Variants in N4BP2 observed in about 807,000 individuals in gnomAD.
N4BP2 encodes NEDD4-binding protein 2.
N4BP2 carries 91 observed loss-of-function variants against 152.8 expected under a neutral mutation model. The ratio of observed to expected loss-of-function variants is 0.60; its 90% CI spans 0.50 to 0.71. The LOEUF is 0.71. Among genes scored for constraint, N4BP2 ranks in the 30% least tolerant of loss-of-function variants. The pLI, the probability that N4BP2 is intolerant of heterozygous loss-of-function variation, is 0.00. For synonymous variants in N4BP2, 646 were observed against 705.3 expected, an observed-to-expected ratio of 0.92 and a Z score of 1.33; for missense variants, 1,923 against 2,059.1, an observed-to-expected ratio of 0.93 and a Z score of 1.28.
chr4:40,102,800 C>T lies in N4BP2; in HGVS notation c.955C>T (p.Leu319=), dbSNP rs755339834. The T allele has an allele frequency of 5.0e-6, 8 of 1,614,150 alleles. No individual in the cohort carries two copies. Among genetic ancestry groups the T allele is most frequent in the Non-Finnish European group, 6.8e-6 (8 of 1,180,020 alleles). Residue 319 remains leucine, a synonymous_variant, in exon 4 of 18, where the codon CTA becomes TTA. Coordinates refer to ENST00000261435, the MANE Select transcript of N4BP2 (RefSeq NM_018177.6). The part of the protein sequence containing the change: ...QKSTRVSDVF[L]PSEGFNFKPH... Reference sequence around the variant, plus strand: ...ATCTACTCGGGTCTCTGATGTGTTTCTACCTTCCGAAGGGTTCAACTTCAA... The same window carrying T: ...ATCTACTCGGGTCTCTGATGTGTTTTTACCTTCCGAAGGGTTCAACTTCAA...
At chr4:40,148,529 A>AG (rs1295264101) in intron 16 of N4BP2, among the ~76,000 whole-genome samples, 1 of 152,074 alleles carries the variant, frequency 6.6e-6, no homozygotes, top group East Asian at 1.9e-4. Flanking sequence ...TCCACATGTA[A>AG]GTGAGATCAT....
chr4:40,177,995 A>G, the N4BP2 span, among the ~76,000 whole-genome samples: 1 of 152,128 alleles, frequency 6.6e-6, no homozygotes, highest in African/African-American at 2.4e-5. Context: ...CAACCAGAAA[A>G]AAACAAAAAC....
intron 16 of N4BP2, among the ~76,000 whole-genome samples, chr4:40,149,190 T>A (rs1720903368): frequency 6.6e-6 from 1 of 152,202 alleles, no homozygotes; most frequent in Non-Finnish European, 1.5e-5. Context: ...CAAAAGGTGG[T>A]GGTAACCTAA....
chr4:40,185,203 A>C, the N4BP2 span, among the ~76,000 whole-genome samples: 6 of 152,316 alleles, frequency 3.9e-5, no homozygotes, highest in South Asian at 1.2e-3. Context: ...AAATTGATTC[A>C]GGGAGTCCCC....
chr4:40,164,651 C>T, the N4BP2 span, among the ~76,000 whole-genome samples: 5 of 152,210 alleles, frequency 3.3e-5, no homozygotes, highest in South Asian at 2.1e-4. Flanking sequence ...ACTGGAGAGA[C>T]GAGATAGATA....
At chr4:40,070,955 G>A (rs1400223632) in intron 1 of N4BP2, among the ~76,000 whole-genome samples, 1 of 151,482 alleles carries the variant, frequency 6.6e-6, no homozygotes, top group African/African-American at 2.4e-5. Context: ...CTCCTAAATA[G>A]CTGGGATTAC....
At chr4:40,127,043 G>A (rs1718469856) in intron 12 of N4BP2, among the ~76,000 whole-genome samples, 1 of 151,484 alleles carries the variant, frequency 6.6e-6, no homozygotes, top group Admixed American at 6.6e-5. Context: ...ACATGCATGA[G>A]CCACCATGCC....
chr4:40,141,795 A>G (rs2110032402), intron 14 of N4BP2, among the ~76,000 whole-genome samples: 1 of 152,344 alleles, frequency 6.6e-6, no homozygotes, highest in Admixed American at 6.5e-5. Context: ...CAGCCTGGGC[A>G]ACATTGAGCA....
intron 4 of N4BP2, among the ~76,000 whole-genome samples, chr4:40,105,227 C>T (rs1716144110): frequency 1.3e-5 from 2 of 152,030 alleles, no homozygotes; most frequent in South Asian, 4.1e-4. Context: ...ATTTTGTTGT[C>T]CTGTGAGGAC....
chr4:40,088,001 G>C (rs1250758914), intron 2 of N4BP2, among the ~76,000 whole-genome samples: 1 of 152,080 alleles, frequency 6.6e-6, no homozygotes, highest in African/African-American at 2.4e-5. Context: ...CCGGTGATCC[G>C]CCTTCCTTGG....
At chr4:40,075,118 G>T (rs1712597794) in intron 2 of N4BP2, among the ~76,000 whole-genome samples, 1 of 152,034 alleles carries the variant, frequency 6.6e-6, no homozygotes, top group Non-Finnish European at 1.5e-5. Context: ...GTGGTACTAT[G>T]CATAGTACCA....
intron 2 of N4BP2, among the ~76,000 whole-genome samples, chr4:40,084,805 G>T (rs1031971741): frequency 6.7e-6 from 1 of 150,196 alleles, no homozygotes; most frequent in African/African-American, 2.4e-5. Context: ...GGTAGAGACA[G>T]GGTTTCTCCA....
intron 4 of N4BP2, among the ~76,000 whole-genome samples, chr4:40,104,229 G>A (rs1478652605): frequency 6.6e-6 from 1 of 151,142 alleles, no homozygotes. Flanking sequence ...TGGGATTACA[G>A]GCGTGAGCCA....
intron 1 of N4BP2, among the ~76,000 whole-genome samples, chr4:40,070,216 A>G (rs947127022): frequency 6.6e-6 from 1 of 152,170 alleles, no homozygotes; most frequent in Non-Finnish European, 1.5e-5. Flanking sequence ...TAAGAGGGGC[A>G]AATAAGTTTT....
chr4:40,130,869 T>C (rs1188410917), intron 12 of N4BP2, among the ~76,000 whole-genome samples: 1 of 152,228 alleles, frequency 6.6e-6, no homozygotes, highest in African/African-American at 2.4e-5. Context: ...TATTTTGTTA[T>C]ATCACAATGT....
chr4:40,058,166 A>G (rs1733373695), intron 1 of N4BP2, among the ~76,000 whole-genome samples: 1 of 152,220 alleles, frequency 6.6e-6, no homozygotes, highest in South Asian at 2.1e-4. Flanking sequence ...TAATCCCAAC[A>G]TCAGCCTTTT....
intron 17 of N4BP2, 112 bp downstream of exon 17, chr4:40,153,015 C>A: frequency 1.0e-6 from 1 of 1,004,644 alleles, no homozygotes. Context: ...CCTAATATAG[C>A]TAGGTAAATA....
intron 2 of N4BP2, among the ~76,000 whole-genome samples, chr4:40,074,234 A>G (rs569757866): frequency 5.3e-5 from 8 of 151,928 alleles, no homozygotes; most frequent in Non-Finnish European, 7.4e-5. Context: ...GGGATTACAG[A>G]TGTGTGCCAC....
At chr4:40,071,027 G>A (rs2109896978) in intron 1 of N4BP2, among the ~76,000 whole-genome samples, 1 of 151,898 alleles carries the variant, frequency 6.6e-6, no homozygotes, top group South Asian at 2.1e-4. Context: ...GTTTCACCAT[G>A]TTGGCCAGGC....
Sources: allele counts gnomAD v4.1 joint callset (sites outside exome capture counted in the v4.1 genomes callset), GRCh38; gene constraint gnomAD v4.1.1; transcripts MANE v1.5; gene names NCBI Gene and HGNC (gene_info 2026-07-23, HGNC 2026-07-21).